RSPO1: variants seen among roughly 807,000 people sequenced by gnomAD.
RSPO1 encodes R-spondin 1.
Under a neutral mutation model 26.0 loss-of-function variants are expected in RSPO1, and 18 were observed. The ratio of observed to expected loss-of-function variants is 0.69; its 90% CI spans 0.48 to 1.03. RSPO1 has a LOEUF of 1.03. RSPO1 is among the 50% of genes least tolerant of loss of function. The pLI is 0.00. For missense variants in RSPO1, 309 were observed against 352.3 expected (o/e 0.88, Z 0.98); for synonymous variants, 133 against 137.4 (o/e 0.97, Z 0.22).
At chr1:37,614,434 A>C in intron 4 of RSPO1, 101 bp from the exon 5 acceptor site, 19 of 1,339,776 alleles carry the variant, frequency 1.4e-5, no homozygotes, top group East Asian at 2.3e-5. Context: ...ACCCACCTAC[A>C]TGGAGGGCAG....
intron 3 of RSPO1, among the ~76,000 whole-genome samples, chr1:37,627,742 A>G (rs59354601): frequency 5.3e-4 from 80 of 152,296 alleles, no homozygotes; most frequent in African/African-American, 1.9e-3. Context: ...ATCCTCCTAT[A>G]CATTGCATTT....
Position 37,613,690 on chromosome 1 carries a change from A to G in RSPO1, c.625+14T>C. Reference sequence around the variant, plus strand: ...CTGAGCCCTGACCCCAGGGAGGCAGAGGCTGCAGCTCACCCTCAGGACACG... The same window carrying G: ...CTGAGCCCTGACCCCAGGGAGGCAGGGGCTGCAGCTCACCCTCAGGACACG... On this transcript the variant is annotated intron_variant, in intron 6 of 6. Transcript: ENST00000356545. The surrounding 1 kb of genome is among the most constrained non-coding windows in gnomAD (Gnocchi z 4.5). 1 of 1,608,204 alleles carries G rather than the reference A, an allele frequency of 6.2e-7. No homozygotes were observed.
In RSPO1 at chr1:37,613,728, CTG is replaced by C; in HGVS notation, c.599_600del (p.Thr200SerfsTer8). 1 of 1,613,820 alleles carries C rather than the reference CTG, an allele frequency of 6.2e-7. No homozygotes were observed. The highest frequency in any genetic ancestry group is 8.5e-7 in the Non-Finnish European group (1 of 1,179,984). On this transcript the variant is annotated frameshift_variant, in exon 6 of 7. Transcript: ENST00000356545. LOFTEE classifies it high-confidence loss of function. The surrounding 1 kb of genome is among the most constrained non-coding windows in gnomAD (Gnocchi z 4.5). ...CCCTCAGGACACGGCACTCTCCTCA[CTG>C]TGCACCTCCGGGTCTCCTTGGTGTC... ...CSDTKETRRC[T>X]VRRVPCPEGQ...
intron 3 of RSPO1, among the ~76,000 whole-genome samples, chr1:37,627,968 G>A (rs1056507852): frequency 6.6e-6 from 1 of 152,212 alleles, no homozygotes; most frequent in Non-Finnish European, 1.5e-5. Flanking sequence ...AAGCGAGCAA[G>A]CACGTCAAAA....
rs1407762421 is a variant in RSPO1, at chr1:37,612,664, T to C, written c.*91A>G. On this transcript the variant is annotated 3_prime_UTR_variant, in exon 7 of 7. Transcript: ENST00000356545. ...GATGGATTGGAGTGTGTGTGTATGCTTTGCCCCCGACGTTCCAGTTCAGGA... is the reference window on the plus strand; with the variant it reads ...GATGGATTGGAGTGTGTGTGTATGCCTTGCCCCCGACGTTCCAGTTCAGGA... The C allele has an allele frequency of 2.2e-6, 3 of 1,389,386 alleles. No homozygotes were observed. The highest frequency in any genetic ancestry group is 1.7e-5 in the Admixed American group (1 of 59,494). The allele number at this position is 1,389,386 out of a possible 1,614,324, so 86.1% of individuals were successfully genotyped here. A position where few individuals can be genotyped will look rare whatever the true frequency, so the allele number is the denominator to read the frequency against.
chr1:37,613,877 C>G lies in RSPO1; in HGVS notation c.452G>C (p.Ser151Thr). The change falls in exon 6 of 7, where the codon AGC (serine) becomes ACC (threonine). Residue 151 changes from serine (S) to threonine (T), a missense_variant. By Grantham distance (58) the Ser-to-Thr change is moderately conservative (BLOSUM62 1). Coordinates refer to ENST00000356545, the MANE Select transcript of RSPO1 (RefSeq NM_001242908.2). This position sits in a 1 kb window ranked among gnomAD's most constrained non-coding sequence, Gnocchi z 4.5. ...GCAGGGCCCCCACGGAGACCACTCG[C>G]TCATTTCACATTGCGCTGGCAGGAA... The part of the protein sequence containing the change: ...ECSSPAQCEM[S>T]EWSPWGPCSK... 6.2e-7 allele frequency: 1 copy of G among 1,614,132 alleles called. No individual in the cohort carries two copies. The highest frequency in any genetic ancestry group is 8.5e-7 in the Non-Finnish European group (1 of 1,180,032).
At chr1:37,623,249 G>C (rs1035657289) in intron 3 of RSPO1, among the ~76,000 whole-genome samples, 1 of 147,534 alleles carries the variant, frequency 6.8e-6, no homozygotes, top group African/African-American at 2.5e-5. Context: ...AGGAGAGGGG[G>C]CTCGACAGTA....
At chr1:37,616,762 C>G in intron 3 of RSPO1, 87 bp from the exon 4 acceptor site, 1 of 1,226,720 alleles carries the variant, frequency 8.2e-7, no homozygotes. Context: ...GTGAATAGAT[C>G]GATGTTTCCT....
chr1:37,617,541 C>A (rs561727144), intron 3 of RSPO1, among the ~76,000 whole-genome samples: 20 of 151,806 alleles, frequency 1.3e-4, no homozygotes, highest in Non-Finnish European at 2.5e-4. Context: ...TGCCTGTAAT[C>A]CCAGCTACTT....
chr1:37,617,438 C>G (rs1644131522), intron 3 of RSPO1, among the ~76,000 whole-genome samples: 1 of 152,056 alleles, frequency 6.6e-6, no homozygotes, highest in Non-Finnish European at 1.5e-5. Flanking sequence ...GCGGGCAGAA[C>G]ACCTGAGGTC....
intron 3 of RSPO1, among the ~76,000 whole-genome samples, chr1:37,625,816 C>A (rs61776210): frequency 0.23 from 34,222 of 151,898 alleles, 4,115 homozygotes; most frequent in Middle Eastern, 0.29. Flanking sequence ...GTAGCCAGGA[C>A]TACAGGTGCA....
chr1:37,614,423 C>T, intron 4 of RSPO1, 90 bp from the exon 5 acceptor site: 6 of 1,434,700 alleles, frequency 4.2e-6, no homozygotes, highest in Non-Finnish European at 5.8e-6. Context: ...CTTCTGTCCA[C>T]ACCCACCTAC....
At chr1:37,616,290 C>T (rs146634754) in intron 4 of RSPO1, among the ~76,000 whole-genome samples, 194 bp downstream of exon 4, 37 of 152,014 alleles carry the variant, frequency 2.4e-4, no homozygotes, top group African/African-American at 8.7e-4. Context: ...GGGGCAGGTG[C>T]GAAGGGAGGA....
Position 37,613,305 on chromosome 1 carries a change from G to A in RSPO1, c.626-384C>T, listed in dbSNP as rs113456505. 0.054 allele frequency among the ~76,000 whole-genome samples: 8,158 copies of A among 152,266 alleles called. 298 individuals are homozygous for A. The highest frequency in any genetic ancestry group is 0.085 in the Non-Finnish European group (5,781 of 68,014). On this transcript the variant is annotated intron_variant, in intron 6 of 6. Transcript: ENST00000356545. This position sits in a 1 kb window ranked among gnomAD's most constrained non-coding sequence, Gnocchi z 4.5. ...CCTATCCGCCACCAGCCACCTCTGG[G>A]GCCAGGCAAGAGCAGCAGCCAACCC... is the stretch of plus-strand genomic sequence containing the variant.
Position 37,613,287 on chromosome 1 carries a change from G to A in RSPO1, c.626-366C>T, listed in dbSNP as rs1046094670. Among the ~76,000 whole-genome samples the A allele has an allele frequency of 3.9e-5, 6 of 152,128 alleles. No homozygotes were observed. The highest frequency in any genetic ancestry group is 9.7e-5 in the African/African-American group (4 of 41,410). On this transcript the variant is annotated intron_variant, in intron 6 of 6. Coordinates refer to ENST00000356545, the MANE Select transcript of RSPO1 (RefSeq NM_001242908.2). This position sits in a 1 kb window ranked among gnomAD's most constrained non-coding sequence, Gnocchi z 4.5. ...GCAGGACTGCCCCCATCCCCTATCC[G>A]CCACCAGCCACCTCTGGGGCCAGGC...
At chr1:37,619,940 G>C (rs557723762) in intron 3 of RSPO1, among the ~76,000 whole-genome samples, 2 of 151,960 alleles carry the variant, frequency 1.3e-5, no homozygotes, top group African/African-American at 4.8e-5. Context: ...GTAGAGACGG[G>C]GTTTCACCAT....
intron 3 of RSPO1, among the ~76,000 whole-genome samples, chr1:37,624,586 G>C (rs920872638): frequency 6.6e-6 from 1 of 151,780 alleles, no homozygotes; most frequent in African/African-American, 2.4e-5. Flanking sequence ...TTCATCCTAC[G>C]CAAAGCCCTT....
intron 3 of RSPO1, among the ~76,000 whole-genome samples, chr1:37,623,179 AG>A (rs1428524591): frequency 7.3e-6 from 1 of 136,846 alleles, no homozygotes; most frequent in Admixed American, 7.8e-5. Flanking sequence ...GTGTTTATCA[AG>A]GGGGACAGGA....
intron 3 of RSPO1, among the ~76,000 whole-genome samples, chr1:37,622,476 A>G (rs1310850009): frequency 6.6e-6 from 1 of 152,144 alleles, no homozygotes; most frequent in African/African-American, 2.4e-5. Flanking sequence ...GAGCCACTGC[A>G]CTCCAGCCTG....
Sources: allele counts gnomAD v4.1 joint callset (sites outside exome capture counted in the v4.1 genomes callset), GRCh38; gene constraint gnomAD v4.1.1; non-coding constraint Gnocchi (gnomAD v3.1); transcripts MANE v1.5; gene names NCBI Gene and HGNC (gene_info 2026-07-23, HGNC 2026-07-21).